Variants in PHF24 observed in about 807,000 individuals in gnomAD.
PHF24 encodes the protein Galpha inhibitory interacting protein.
In PHF24, 25 loss-of-function variants were observed where a neutral mutation model predicts 42.6. The observed-to-expected ratio is 0.59, with a 90% CI of 0.43 to 0.82. The LOEUF (loss-of-function observed/expected upper bound fraction) is 0.82. Ranked by LOEUF, PHF24 falls within the 40% of genes least tolerant of loss-of-function variation. The probability of loss-of-function intolerance (pLI) is 0.00; values close to 1 mark genes in which losing one functional copy is unlikely to be tolerated. For missense variants in PHF24, 470 were observed against 538.1 expected, an observed-to-expected ratio of 0.87 and a Z score of 1.25; for synonymous variants, 185 against 204.8, an observed-to-expected ratio of 0.90 and a Z score of 0.83.
the PHF24 span, among the ~76,000 whole-genome samples, chr9:34,947,104 G>A: frequency 3.9e-5 from 6 of 152,188 alleles, no homozygotes; most frequent in African/African-American, 1.4e-4. Flanking sequence ...CCTTGTCACA[G>A]GGTGAGCTTG....
the PHF24 span, among the ~76,000 whole-genome samples, chr9:34,926,719 C>A: frequency 5.9e-5 from 9 of 152,064 alleles, no homozygotes; most frequent in Non-Finnish European, 5.9e-5. This position sits in a 1 kb window ranked among gnomAD's most constrained non-coding sequence, Gnocchi z 4.3. Flanking sequence ...AGGCTCATGA[C>A]ACAGCTTCGT....
At chr9:34,765,061 G>C in the PHF24 span, among the ~76,000 whole-genome samples, 1 of 152,046 alleles carries the variant, frequency 6.6e-6, no homozygotes, top group African/African-American at 2.4e-5. Context: ...TGTGGTCTGA[G>C]AGACAGTTTG....
the PHF24 span, among the ~76,000 whole-genome samples, chr9:34,730,101 G>A: frequency 2.0e-5 from 3 of 152,318 alleles, no homozygotes; most frequent in South Asian, 6.2e-4. Context: ...TCATGCTCAG[G>A]GAGATGAATG....
At chr9:34,940,767 T>C in the PHF24 span, among the ~76,000 whole-genome samples, 4 of 152,194 alleles carry the variant, frequency 2.6e-5, no homozygotes, top group African/African-American at 9.7e-5. Context: ...GGCAAGGGAA[T>C]ACCAGGAGGT....
exon 8 of PHF24, chr9:34,980,818 G>A (rs41306089): frequency 6.6e-6 from 1 of 152,242 alleles, no homozygotes; most frequent in Non-Finnish European, 1.5e-5. Context: ...TGAGATCAGT[G>A]TTTCTAACCA....
At chr9:34,885,551 G>A in the PHF24 span, among the ~76,000 whole-genome samples, 1 of 152,004 alleles carries the variant, frequency 6.6e-6, no homozygotes. Flanking sequence ...ACCCTCTGAG[G>A]AATATCAGGT....
the PHF24 span, among the ~76,000 whole-genome samples, chr9:34,771,017 G>A: frequency 6.6e-6 from 1 of 152,284 alleles, no homozygotes; most frequent in African/African-American, 2.4e-5. Context: ...GGAGGCTGAG[G>A]CAGGAGAATC....
intron 3 of PHF24, among the ~76,000 whole-genome samples, chr9:34,974,802 T>C (rs1426188279): frequency 6.6e-6 from 1 of 152,104 alleles, no homozygotes; most frequent in Admixed American, 6.5e-5. Context: ...TGCCCCAAAA[T>C]GAACTCATCT....
At chr9:34,832,228 C>A in the PHF24 span, 6 of 435,000 alleles carry the variant, frequency 1.4e-5, no homozygotes, top group Middle Eastern at 5.0e-4. Context: ...CCTATAAACT[C>A]TTTTTCATGG....
intron 1 of PHF24, among the ~76,000 whole-genome samples, chr9:34,966,904 C>T (rs569227112): frequency 4.6e-4 from 70 of 152,162 alleles, no homozygotes; most frequent in South Asian, 1.0e-3. Flanking sequence ...AAGAATGCTC[C>T]AATCAATCAT....
At chr9:34,763,843 A>G in the PHF24 span, among the ~76,000 whole-genome samples, 1 of 152,220 alleles carries the variant, frequency 6.6e-6, no homozygotes, top group Admixed American at 6.5e-5. Context: ...TTTGTCATAA[A>G]TAGCTCTTAT....
At chr9:34,806,170 T>A in the PHF24 span, among the ~76,000 whole-genome samples, 1 of 152,158 alleles carries the variant, frequency 6.6e-6, no homozygotes, top group Non-Finnish European at 1.5e-5. Context: ...TTACTTTATT[T>A]TTTTTTTCAA....
the PHF24 span, among the ~76,000 whole-genome samples, chr9:34,883,157 C>A: frequency 2.0e-4 from 31 of 152,116 alleles, no homozygotes; most frequent in Non-Finnish European, 4.0e-4. Context: ...AACTGGCTAG[C>A]CATATGTAGA....
chr9:34,711,360 C>T, the PHF24 span, among the ~76,000 whole-genome samples: 1 of 151,450 alleles, frequency 6.6e-6, no homozygotes, highest in Non-Finnish European at 1.5e-5. Flanking sequence ...GATCCTTCCA[C>T]CTCAGTCTCC....
the PHF24 span, among the ~76,000 whole-genome samples, chr9:34,860,373 T>C: frequency 1.3e-5 from 2 of 152,208 alleles, no homozygotes; most frequent in East Asian, 1.9e-4. Context: ...TCTGGCATGA[T>C]TTTAATTAGG....
intron 3 of PHF24, among the ~76,000 whole-genome samples, chr9:34,975,045 CT>C (rs1177500297): frequency 6.6e-6 from 1 of 152,210 alleles, no homozygotes; most frequent in Non-Finnish European, 1.5e-5. Flanking sequence ...CTCTCCACAC[CT>C]CCAGACTCTG....
the PHF24 span, among the ~76,000 whole-genome samples, chr9:34,936,359 G>C: frequency 1.8e-4 from 27 of 152,350 alleles, no homozygotes; most frequent in East Asian, 4.8e-3. Flanking sequence ...ACGGAGTCTC[G>C]TTCACTCAGT....
chr9:34,926,126 A>G, the PHF24 span, among the ~76,000 whole-genome samples: 13 of 152,230 alleles, frequency 8.5e-5, no homozygotes, highest in African/African-American at 3.1e-4. The surrounding 1 kb of genome is among the most constrained non-coding windows in gnomAD (Gnocchi z 4.3). Flanking sequence ...TGGTGGTGCA[A>G]CTTTGCCAGG....
chr9:34,801,467 A>G, the PHF24 span, among the ~76,000 whole-genome samples: 2 of 152,184 alleles, frequency 1.3e-5, no homozygotes, highest in Non-Finnish European at 2.9e-5. Flanking sequence ...TGCAGCCATA[A>G]AAAAGAATGA....
Sources: allele counts gnomAD v4.1 joint callset (sites outside exome capture counted in the v4.1 genomes callset), GRCh38; gene constraint gnomAD v4.1.1; non-coding constraint Gnocchi (gnomAD v3.1); transcripts MANE v1.5; gene names NCBI Gene and HGNC (gene_info 2026-07-23, HGNC 2026-07-21).